The following EHMT1 variants were observed in gnomAD, a reference collection of about 807,000 sequenced individuals.
EHMT1 encodes the protein euchromatic histone lysine methyltransferase 1, also known as histone-lysine N-methyltransferase EHMT1.
In EHMT1, 15 loss-of-function variants were observed where a neutral mutation model predicts 147.2. The ratio of observed to expected loss-of-function variants is 0.10; its 90% CI spans 0.07 to 0.16. EHMT1 has a LOEUF of 0.16. Among genes scored for constraint, EHMT1 ranks in the 10% least tolerant of loss-of-function variants. The pLI, the probability that EHMT1 is intolerant of heterozygous loss-of-function variation, is 1.00. For missense variants in EHMT1, 1,587 were observed against 1,772.4 expected, an observed-to-expected ratio of 0.90 and a Z score of 1.88; for synonymous variants, 795 against 709.6, an observed-to-expected ratio of 1.12 and a Z score of -1.91.
intron 7 of EHMT1, among the ~76,000 whole-genome samples, chr9:137,753,349 G>A (rs1296948153): frequency 6.6e-6 from 1 of 152,198 alleles, no homozygotes; most frequent in African/African-American, 2.4e-5. Flanking sequence ...CAGAGGGGCA[G>A]CTAGATTTCC....
rs1182153745 is a variant in EHMT1 at position 137,786,738 on chromosome 9, ATC to A, written c.2383-4105_2383-4104del. The A allele has an allele frequency of 6.5e-6, 1 of 153,530 alleles. No homozygotes were observed. The highest frequency in any genetic ancestry group is 1.4e-5 in the Non-Finnish European group (1 of 69,118). 9.5% of individuals were successfully genotyped at this position (153,530 alleles called of 1,614,324 possible). On this transcript the variant is annotated intron_variant, in intron 15 of 26. Transcript: ENST00000460843. This position sits in a 1 kb window ranked among gnomAD's most constrained non-coding sequence, Gnocchi z 4.3. Reference sequence around the variant, plus strand: ...GCTCCCATCTTGGCCGTGTGGCCTCATCTCTCCCGGGCTCCCGTCTTGGTCAT... The same window carrying A: ...GCTCCCATCTTGGCCGTGTGGCCTCATCTCCCGGGCTCCCGTCTTGGTCAT...
At chr9:137,628,868 T>C (rs971341885) in intron 1 of EHMT1, among the ~76,000 whole-genome samples, 8 of 152,230 alleles carry the variant, frequency 5.3e-5, no homozygotes, top group Non-Finnish European at 1.0e-4. Context: ...TGTCATGTGC[T>C]GAAAGAGCTG....
intron 18 of EHMT1, among the ~76,000 whole-genome samples, chr9:137,810,460 C>A (rs553219417): frequency 2.6e-5 from 4 of 152,194 alleles, no homozygotes; most frequent in African/African-American, 9.7e-5. Context: ...GTTAGGGATA[C>A]TTCATTGTTC....
intron 1 of EHMT1, among the ~76,000 whole-genome samples, chr9:137,669,484 G>A (rs1940237791): frequency 8.1e-6 from 1 of 122,846 alleles, no homozygotes; most frequent in Non-Finnish European, 1.6e-5. Context: ...CCCACAGCAC[G>A]TGCACTGGAC....
chr9:137,670,292 C>T (rs1940421978), intron 1 of EHMT1, among the ~76,000 whole-genome samples: 1 of 152,036 alleles, frequency 6.6e-6, no homozygotes, highest in Admixed American at 6.6e-5. Context: ...CCCTTAGATC[C>T]TTAGTCAGAC....
intron 10 of EHMT1, among the ~76,000 whole-genome samples, chr9:137,769,986 G>A (rs1273950151): frequency 2.0e-5 from 3 of 151,952 alleles, no homozygotes; most frequent in East Asian, 1.9e-4. Flanking sequence ...ATACACTTGC[G>A]CCACCACACC....
chr9:137,765,670 C>T lies in EHMT1; in HGVS notation c.1647+2850C>T, dbSNP rs1404880967. ...ACTCCCCTCACTGCCCCACTCCCCC[C>T]GCCCCCGCCGCCCCAGCCTGTCCCC... On this transcript the variant is annotated intron_variant, in intron 10 of 26. Coordinates refer to ENST00000460843, the MANE Select transcript of EHMT1 (RefSeq NM_024757.5). 4.0e-3 allele frequency among the ~76,000 whole-genome samples: 8 copies of T among 1,998 alleles called. No homozygotes were observed. In the East Asian group the frequency reaches 0.14, roughly 34 times the overall value. The allele number at this position is 1,998 out of a possible 152,430, so 1.3% of individuals were successfully genotyped here.
intron 1 of EHMT1, among the ~76,000 whole-genome samples, chr9:137,649,594 G>A (rs537120928): frequency 2.0e-5 from 3 of 152,254 alleles, no homozygotes; most frequent in East Asian, 1.9e-4. Context: ...AGATGAAGTC[G>A]TCGTAGATTT....
In EHMT1 at chr9:137,813,265, T is replaced by A; in HGVS notation, c.3035+92T>A. On this transcript the variant is annotated intron_variant, in intron 20 of 26. Coordinates refer to ENST00000460843, the MANE Select transcript of EHMT1 (RefSeq NM_024757.5). This position sits in a 1 kb window ranked among gnomAD's most constrained non-coding sequence, Gnocchi z 4.9. Reference sequence around the variant, plus strand: ...GAAAGCTGCTCCTGAAGCCGAAACATCCCCAGGCTGCAGTCCAAATTGTCA... The same window carrying A: ...GAAAGCTGCTCCTGAAGCCGAAACAACCCCAGGCTGCAGTCCAAATTGTCA... 1.3e-6 allele frequency: 2 copies of A among 1,561,792 alleles called. No individual in the cohort carries two copies. The highest frequency in any genetic ancestry group is 1.7e-6 in the Non-Finnish European group (2 of 1,159,584).
chr9:137,687,492 T>C (rs966142801), intron 1 of EHMT1, among the ~76,000 whole-genome samples: 1 of 152,020 alleles, frequency 6.6e-6, no homozygotes, highest in African/African-American at 2.4e-5. Context: ...TGGAGGAGTT[T>C]AGGTAGAGTT....
chr9:137,787,363 CGGAT>C lies in EHMT1; in HGVS notation c.2383-3478_2383-3475del, dbSNP rs1371903701. On this transcript the variant is annotated intron_variant, in intron 15 of 26. Coordinates refer to ENST00000460843, the MANE Select transcript of EHMT1 (RefSeq NM_024757.5). The surrounding 1 kb of genome is among the most constrained non-coding windows in gnomAD (Gnocchi z 4.2). ...TCTGCCATTCGGTGACGGCTGGTGA[CGGAT>C]GGATGGGTAGTGGGCTGAGAAGAGG... 6.6e-6 allele frequency among the ~76,000 whole-genome samples: 1 copy of C among 152,136 alleles called. No individual in the cohort carries two copies.
intron 4 of EHMT1, among the ~76,000 whole-genome samples, chr9:137,740,969 C>T (rs1017201977): frequency 6.4e-5 from 9 of 139,954 alleles, no homozygotes; most frequent in Non-Finnish European, 1.0e-4. Context: ...CACTGGGCCC[C>T]GACATGATTT....
At chr9:137,675,438 A>G (rs1176087612) in intron 1 of EHMT1, among the ~76,000 whole-genome samples, 1 of 151,930 alleles carries the variant, frequency 6.6e-6, no homozygotes, top group South Asian at 2.1e-4. Flanking sequence ...TGAGTAGTTC[A>G]TTTTCTCTTT....
At chr9:137,651,622 T>C (rs548228382) in intron 1 of EHMT1, among the ~76,000 whole-genome samples, 19 of 152,042 alleles carry the variant, frequency 1.2e-4, no homozygotes, top group Non-Finnish European at 2.1e-4. Context: ...ACTCTGACTC[T>C]ACCAAAAATA....
At chr9:137,638,634 A>G (rs1844259681) in intron 1 of EHMT1, among the ~76,000 whole-genome samples, 1 of 152,122 alleles carries the variant, frequency 6.6e-6, no homozygotes, top group Non-Finnish European at 1.5e-5. Context: ...TAAACCCCAT[A>G]CTTCAGAATT....
At chr9:137,827,923 T>C (rs11137254) in intron 25 of EHMT1, among the ~76,000 whole-genome samples, 25,215 of 152,242 alleles carry the variant, frequency 0.17, 6,820 homozygotes, top group African/African-American at 0.57. Flanking sequence ...CCCTCAGCGG[T>C]GTCCGTTCCT....
intron 1 of EHMT1, among the ~76,000 whole-genome samples, chr9:137,699,439 G>T (rs1300842273): frequency 1.3e-5 from 2 of 152,142 alleles, no homozygotes; most frequent in Non-Finnish European, 2.9e-5. Flanking sequence ...TTGGGAGGCC[G>T]AAGTGGGCAG....
chr9:137,759,111 C>T (rs1949608195), intron 9 of EHMT1, among the ~76,000 whole-genome samples: 1 of 151,824 alleles, frequency 6.6e-6, no homozygotes, highest in African/African-American at 2.4e-5. Flanking sequence ...TGGGCGACAG[C>T]GAGACTCCGT....
intron 1 of EHMT1, among the ~76,000 whole-genome samples, chr9:137,627,916 G>A (rs961744888): frequency 3.3e-5 from 5 of 152,066 alleles, no homozygotes; most frequent in Non-Finnish European, 5.9e-5. Context: ...CGCCATGTTG[G>A]CCAGGCTGGT....
Sources: allele counts gnomAD v4.1 joint callset (sites outside exome capture counted in the v4.1 genomes callset), GRCh38; gene constraint gnomAD v4.1.1; non-coding constraint Gnocchi (gnomAD v3.1); transcripts MANE v1.5; gene names NCBI Gene and HGNC (gene_info 2026-07-23, HGNC 2026-07-21).